Variants in LEKR1 observed in about 807,000 individuals in gnomAD.
The protein encoded by LEKR1 is leucine, glutamate and lysine rich 1, also known as protein LEKR1.
A neutral mutation model predicts 72.4 loss-of-function variants in LEKR1; 59 were observed. The ratio of observed to expected loss-of-function variants is 0.82; its 90% CI spans 0.66 to 1.01. The LOEUF is 1.01. Ranked by LOEUF, LEKR1 falls within the 50% of genes least tolerant of loss-of-function variation. The pLI is 0.00. For missense variants in LEKR1, 728 were observed against 759.2 expected (o/e 0.96, Z 0.48); for synonymous variants, 257 against 263.2 (o/e 0.98, Z 0.23).
intron 6 of LEKR1, among the ~76,000 whole-genome samples, chr3:156,955,343 C>A (rs1727527612): frequency 6.6e-6 from 1 of 151,946 alleles, no homozygotes; most frequent in Admixed American, 6.6e-5. Flanking sequence ...TTATTTCTTT[C>A]ACTTGCCTGA....
chr3:156,970,142 A>G (rs1729025538), intron 6 of LEKR1, among the ~76,000 whole-genome samples: 1 of 152,220 alleles, frequency 6.6e-6, no homozygotes, highest in Admixed American at 6.5e-5. Flanking sequence ...AGAGCTATCT[A>G]TGACAAACCC....
intron 3 of LEKR1, among the ~76,000 whole-genome samples, chr3:156,854,515 A>G (rs991810363): frequency 4.0e-5 from 6 of 150,420 alleles, no homozygotes; most frequent in African/African-American, 1.5e-4. Flanking sequence ...TTTATTACAA[A>G]TGTATTTTCT....
chr3:157,000,092 G>A (rs1433340964), intron 9 of LEKR1, among the ~76,000 whole-genome samples: 1 of 152,106 alleles, frequency 6.6e-6, no homozygotes, highest in African/African-American at 2.4e-5. Context: ...AGAAAGCAAC[G>A]CTCTTTTTGT....
chr3:156,971,705 G>T (rs1260558848), intron 6 of LEKR1, among the ~76,000 whole-genome samples: 4 of 152,140 alleles, frequency 2.6e-5, no homozygotes, highest in African/African-American at 9.7e-5. Context: ...CTTCTCAAAA[G>T]AAGACATTTA....
At chr3:156,927,044 C>T (rs1042900091) in intron 4 of LEKR1, among the ~76,000 whole-genome samples, 5 of 151,810 alleles carry the variant, frequency 3.3e-5, no homozygotes, top group Middle Eastern at 3.2e-3. Flanking sequence ...CCATGGTATG[C>T]GGGACAAATG....
intron 12 of LEKR1, among the ~76,000 whole-genome samples, chr3:157,044,630 C>T (rs1009551636): frequency 6.6e-6 from 1 of 152,190 alleles, no homozygotes; most frequent in Non-Finnish European, 1.5e-5. Flanking sequence ...CTCAAACCTA[C>T]GAAGGTACAA....
At chr3:157,041,435 T>C (rs929601238) in intron 12 of LEKR1, among the ~76,000 whole-genome samples, 5 of 152,148 alleles carry the variant, frequency 3.3e-5, no homozygotes, top group Non-Finnish European at 1.5e-5. Flanking sequence ...AATGACTCCA[T>C]ATGAGCCTCA....
chr3:157,001,450 T>C (rs1732006020), intron 9 of LEKR1, among the ~76,000 whole-genome samples: 1 of 152,220 alleles, frequency 6.6e-6, no homozygotes, highest in African/African-American at 2.4e-5. Flanking sequence ...CATTTTGGCA[T>C]TATGGTTTGA....
At chr3:156,986,101 A>T (rs539104288) in intron 7 of LEKR1, among the ~76,000 whole-genome samples, 2 of 152,168 alleles carry the variant, frequency 1.3e-5, no homozygotes, top group East Asian at 1.9e-4. Context: ...TTCAGAAGGA[A>T]CACGACCTGG....
chr3:157,029,197 A>G (rs895289992), intron 12 of LEKR1, among the ~76,000 whole-genome samples: 2 of 152,230 alleles, frequency 1.3e-5, no homozygotes, highest in Non-Finnish European at 2.9e-5. Flanking sequence ...ACAATTAAAT[A>G]TGCCATGGTC....
chr3:156,855,936 C>T (rs1715998787), intron 3 of LEKR1, among the ~76,000 whole-genome samples: 1 of 152,052 alleles, frequency 6.6e-6, no homozygotes, highest in Non-Finnish European at 1.5e-5. Context: ...CCAATTCCAC[C>T]CCCTTAGCCT....
intron 2 of LEKR1, among the ~76,000 whole-genome samples, chr3:156,850,028 C>G (rs542391627): frequency 1.8e-4 from 28 of 152,106 alleles, no homozygotes; most frequent in Non-Finnish European, 3.2e-4. Context: ...GGGCTAATAT[C>G]CAGAATCTAC....
intron 3 of LEKR1, among the ~76,000 whole-genome samples, chr3:156,862,666 C>T (rs1472539158): frequency 2.0e-5 from 3 of 152,010 alleles, no homozygotes; most frequent in Admixed American, 6.6e-5. Flanking sequence ...CACTTTCATA[C>T]CTAACTTGGA....
chr3:156,852,728 G>GA, intron 2 of LEKR1, 40 bp from the exon 3 acceptor site: 2 of 1,092,914 alleles, frequency 1.8e-6, no homozygotes, highest in South Asian at 3.3e-5. Context: ...TGTTTTTTCA[G>GA]AATTAAAAAA....
At chr3:156,851,655 C>A (rs1715380217) in intron 2 of LEKR1, among the ~76,000 whole-genome samples, 1 of 151,778 alleles carries the variant, frequency 6.6e-6, no homozygotes, top group African/African-American at 2.4e-5. Context: ...TTTAAAGGAG[C>A]CAAATTTTAC....
intron 2 of LEKR1, among the ~76,000 whole-genome samples, chr3:156,842,821 A>G (rs1447146456): frequency 6.6e-6 from 1 of 152,152 alleles, no homozygotes; most frequent in South Asian, 2.1e-4. Context: ...TTTGACTCTC[A>G]TGTCCAGGTC....
intron 1 of LEKR1, among the ~76,000 whole-genome samples, chr3:156,827,969 G>T (rs1711859585): frequency 6.6e-6 from 1 of 152,198 alleles, no homozygotes; most frequent in South Asian, 2.1e-4. Flanking sequence ...ACCATTAAAT[G>T]ACAGAAATGA....
chr3:156,910,904 A>G (rs145368986), intron 3 of LEKR1, among the ~76,000 whole-genome samples: 2,465 of 152,278 alleles, frequency 0.016, 67 homozygotes, highest in African/African-American at 0.055. Context: ...TTCTTTGAGA[A>G]ATCTCCAAAC....
chr3:156,927,903 T>C (rs557884716), intron 5 of LEKR1, among the ~76,000 whole-genome samples: 2 of 152,006 alleles, frequency 1.3e-5, no homozygotes, highest in Non-Finnish European at 2.9e-5. Context: ...GTAGCTCATA[T>C]TAGGTCAGCC....
Sources: allele counts gnomAD v4.1 joint callset (sites outside exome capture counted in the v4.1 genomes callset), GRCh38; gene constraint gnomAD v4.1.1; transcripts MANE v1.5; gene names NCBI Gene and HGNC (gene_info 2026-07-23, HGNC 2026-07-21).